The following GLB1L2 variants were observed in gnomAD, a reference collection of about 807,000 sequenced individuals.
The protein encoded by GLB1L2 is galactosidase beta 1 like 2, also known as beta-galactosidase-1-like protein 2.
GLB1L2 carries 68 observed loss-of-function variants against 84.1 expected under a neutral mutation model. The observed-to-expected ratio is 0.81, with a 90% CI of 0.67 to 0.99. GLB1L2 has a LOEUF of 0.99. Among genes scored for constraint, GLB1L2 ranks in the 50% least tolerant of loss-of-function variants. The pLI is 0.00. For synonymous variants in GLB1L2, 290 were observed against 318.0 expected (o/e 0.91, Z 0.94); for missense variants, 762 against 805.6 (o/e 0.95, Z 0.66).
chr11:134,333,374 T>C (rs1591606952), intron 1 of GLB1L2, among the ~76,000 whole-genome samples: 1 of 152,198 alleles, frequency 6.6e-6, no homozygotes, highest in Non-Finnish European at 1.5e-5. Context: ...ATGCTCAGCT[T>C]TCCTCCCTGT....
intron 6 of GLB1L2, 27 bp from the exon 7 acceptor site, chr11:134,359,033 C>T (rs377260743): frequency 4.0e-5 from 61 of 1,542,622 alleles, no homozygotes; most frequent in East Asian, 3.3e-4. Flanking sequence ...CCAGGGCAGA[C>T]GAGGGCTTGT....
chr11:134,369,185 G>A (rs758979777), intron 10 of GLB1L2, among the ~76,000 whole-genome samples: 1 of 152,178 alleles, frequency 6.6e-6, no homozygotes, highest in Non-Finnish European at 1.5e-5. Flanking sequence ...CTGTGATCAT[G>A]GACAGTTTGT....
At chr11:134,374,820 C>T in intron 18 of GLB1L2, 102 bp downstream of exon 18, 3 of 1,156,300 alleles carry the variant, frequency 2.6e-6, no homozygotes, top group South Asian at 1.3e-5. Context: ...CGGGTTCTTC[C>T]TCCCTCCTCC....
intron 8 of GLB1L2, among the ~76,000 whole-genome samples, chr11:134,365,414 T>A (rs553819846): frequency 6.6e-6 from 1 of 152,080 alleles, no homozygotes. Context: ...GAGTGGGGGG[T>A]GCCTCTCATA....
At chr11:134,359,019 G>A (rs1943744430) in intron 6 of GLB1L2, 41 bp from the exon 7 acceptor site, 2 of 1,460,370 alleles carry the variant, frequency 1.4e-6, no homozygotes, top group Non-Finnish European at 1.9e-6. Flanking sequence ...GAAGCTCTAA[G>A]GAGCCAGGGC....
Position 134,375,112 on chromosome 11 carries a change from C to T in GLB1L2, c.*54C>T. 1 of 1,460,016 alleles carries T rather than the reference C, an allele frequency of 6.8e-7. No individual in the cohort carries two copies. The highest frequency in any genetic ancestry group is 9.5e-7 in the Non-Finnish European group (1 of 1,050,988). 90.4% of individuals were successfully genotyped at this position (1,460,016 alleles called of 1,614,324 possible). On this transcript the variant is annotated 3_prime_UTR_variant, in exon 19 of 19. Coordinates refer to ENST00000535456, the MANE Select transcript of GLB1L2 (RefSeq NM_001370461.1). ...GTGGGAGACTGCCGCCTCCTCTTGACCTGAAGCCTGGTGGCTGCTGCCCCA... is the reference window on the plus strand; with the variant it reads ...GTGGGAGACTGCCGCCTCCTCTTGATCTGAAGCCTGGTGGCTGCTGCCCCA...
intron 1 of GLB1L2, among the ~76,000 whole-genome samples, chr11:134,336,494 G>A (rs1411211462): frequency 6.6e-6 from 1 of 152,176 alleles, no homozygotes; most frequent in Non-Finnish European, 1.5e-5. Flanking sequence ...GATGGACATC[G>A]ATTGTTTGCA....
chr11:134,333,528 C>T (rs569074705), intron 1 of GLB1L2, among the ~76,000 whole-genome samples: 2 of 152,336 alleles, frequency 1.3e-5, no homozygotes, highest in East Asian at 1.9e-4. Context: ...TACAGGAGTC[C>T]GTGCAGGGGA....
At chr11:134,362,972 G>A (rs893952810) in intron 7 of GLB1L2, among the ~76,000 whole-genome samples, 1 of 152,188 alleles carries the variant, frequency 6.6e-6, no homozygotes, top group Non-Finnish European at 1.5e-5. Context: ...TCTTGTTGCT[G>A]TTCCTCATGG....
intron 7 of GLB1L2, chr11:134,361,011 G>T (rs1466685925): frequency 6.6e-6 from 1 of 152,144 alleles, no homozygotes; most frequent in Non-Finnish European, 1.5e-5. Flanking sequence ...AAATTAGCCG[G>T]GTGTGGTGGC....
At position 134,373,769 on chromosome 11, in the gene GLB1L2, G is replaced by A. The variant is rs761945171; in HGVS notation, c.1556G>A (p.Arg519Lys). ...AATGATTCACCCCTGAAAAACTTCA[G>A]AATCTATAGCCTGGATATGAAGAAG... ...YLNDSPLKNF[R>K]IYSLDMKKSF... is the part of the protein sequence containing the mutation. Residue 519 changes from arginine to lysine, a missense_variant, in exon 16 of 19, where the codon AGA becomes AAA. Around this residue, in one of 3 missense-constraint regions of GLB1L2, gnomAD observed 603 missense variants for 611.7 expected, o/e 0.99. Transcript: ENST00000535456. The A allele has an allele frequency of 1.2e-6, 2 of 1,613,226 alleles. No homozygotes were observed. The highest frequency in any genetic ancestry group is 1.7e-6 in the Non-Finnish European group (2 of 1,179,222).
chr11:134,375,286 C>T lies in GLB1L2; in HGVS notation c.*228C>T, dbSNP rs1944011079. On this transcript the variant is annotated 3_prime_UTR_variant, in exon 19 of 19. Coordinates refer to ENST00000535456, the MANE Select transcript of GLB1L2 (RefSeq NM_001370461.1). Reference sequence around the variant, plus strand: ...TGTTGATGATGGCTTTCCTACAGCCCTGCTCTTGTGCCGAGGCTGTCGGGC... The same window carrying T: ...TGTTGATGATGGCTTTCCTACAGCCTTGCTCTTGTGCCGAGGCTGTCGGGC... The T allele has an allele frequency of 1.9e-6, 1 of 517,464 alleles. No individual in the cohort carries two copies. The highest frequency in any genetic ancestry group is 1.9e-5 in the African/African-American group (1 of 51,500). 32.1% of individuals were successfully genotyped at this position (517,464 alleles called of 1,614,324 possible). A position where few individuals can be genotyped will look rare whatever the true frequency, so the allele number is the denominator to read the frequency against.
chr11:134,374,007 G>T (rs78491612), intron 16 of GLB1L2, 138 bp from the exon 17 acceptor site: 52,804 of 747,146 alleles, frequency 0.071, 2,414 homozygotes, highest in Non-Finnish European at 0.093. Flanking sequence ...GCATCCTACC[G>T]TGCTGCCATT....
intron 4 of GLB1L2, 124 bp downstream of exon 4, chr11:134,345,253 G>C (rs925049829): frequency 1.7e-5 from 20 of 1,174,338 alleles, no homozygotes; most frequent in Non-Finnish European, 2.3e-5. Flanking sequence ...ATTCTGTACT[G>C]AATTTCCTTT....
chr11:134,365,651 C>T (rs988273458), intron 8 of GLB1L2, among the ~76,000 whole-genome samples: 13 of 152,332 alleles, frequency 8.5e-5, no homozygotes, highest in African/African-American at 2.4e-4. Flanking sequence ...TCAAGGTCAT[C>T]CTTAGAGGGG....
intron 18 of GLB1L2, 67 bp downstream of exon 18, chr11:134,374,785 C>T (rs989113127): frequency 1.2e-5 from 17 of 1,371,244 alleles, no homozygotes; most frequent in Non-Finnish European, 1.1e-5. Flanking sequence ...AGGGAGCCTT[C>T]GGTCAGGGTG....
intron 1 of GLB1L2, among the ~76,000 whole-genome samples, chr11:134,335,026 A>G (rs1184172210): frequency 6.6e-6 from 1 of 152,098 alleles, no homozygotes; most frequent in East Asian, 1.9e-4. Flanking sequence ...GAAAGTTGGG[A>G]GAGGGGAAAG....
At chr11:134,332,572 G>A (rs1170382536) in intron 1 of GLB1L2, among the ~76,000 whole-genome samples, 1 of 152,090 alleles carries the variant, frequency 6.6e-6, no homozygotes, top group Admixed American at 6.5e-5. Context: ...TCTGGGAGGC[G>A]CCTTATTCCG....
intron 15 of GLB1L2, among the ~76,000 whole-genome samples, chr11:134,372,074 A>AGCTGGCCTCTTGTCTCCCCTGG: frequency 1.3e-5 from 2 of 152,144 alleles, no homozygotes; most frequent in African/African-American, 4.8e-5. Context: ...GTGAACACTG[A>AGCTGGCCTCTTGTCTCCCCTGG]GCTGGCCTCT....
Sources: allele counts gnomAD v4.1 joint callset (sites outside exome capture counted in the v4.1 genomes callset), GRCh38; gene constraint gnomAD v4.1.1; regional missense constraint gnomAD v4.1.1; transcripts MANE v1.5; gene names NCBI Gene and HGNC (gene_info 2026-07-23, HGNC 2026-07-21).